SMIM36: variants seen among roughly 807,000 people sequenced by gnomAD.
SMIM36 encodes the protein small integral membrane protein 36.
chr17:55,476,286 A>C (rs1413994977), intron 3 of SMIM36, among the ~76,000 whole-genome samples: 1 of 151,802 alleles, frequency 6.6e-6, no homozygotes, highest in Non-Finnish European at 1.5e-5. Context: ...CTGGACAGTG[A>C]GTCTCAGCAG....
chr17:55,470,790 C>T (rs1426045498), intron 3 of SMIM36, among the ~76,000 whole-genome samples: 2 of 152,056 alleles, frequency 1.3e-5, no homozygotes, highest in Admixed American at 6.6e-5. Context: ...CTTATCATCC[C>T]ATTAAAACCT....
the SMIM36 span, among the ~76,000 whole-genome samples, chr17:55,518,495 T>C: frequency 6.6e-6 from 1 of 152,142 alleles, no homozygotes; most frequent in East Asian, 1.9e-4. Flanking sequence ...AAAATGAGAA[T>C]AGACAGTTGA....
At chr17:55,525,500 A>G in the SMIM36 span, among the ~76,000 whole-genome samples, 1 of 152,220 alleles carries the variant, frequency 6.6e-6, no homozygotes, top group African/African-American at 2.4e-5. Context: ...CTTCCCAATT[A>G]AAATTCTTTT....
intron 1 of SMIM36, among the ~76,000 whole-genome samples, chr17:55,493,798 C>CTA (rs1909757504): frequency 9.6e-6 from 1 of 103,796 alleles, no homozygotes; most frequent in Admixed American, 1.2e-4. Context: ...CAGCAGAGCT[C>CTA]TCTCTCTCTC....
intron 3 of SMIM36, chr17:55,477,200 A>G (rs540415973): frequency 6.6e-6 from 1 of 152,366 alleles, no homozygotes; most frequent in South Asian, 2.1e-4. Flanking sequence ...CAAACGAACA[A>G]ACAAAAAATA....
chr17:55,462,250 G>A (rs532908156), intron 4 of SMIM36, among the ~76,000 whole-genome samples: 30 of 152,266 alleles, frequency 2.0e-4, no homozygotes, highest in African/African-American at 6.5e-4. Flanking sequence ...AGTATATAAA[G>A]TTAATATAAG....
chr17:55,466,291 A>G (rs1909235654), intron 4 of SMIM36, among the ~76,000 whole-genome samples: 1 of 151,222 alleles, frequency 6.6e-6, no homozygotes, highest in Non-Finnish European at 1.5e-5. Context: ...AAAAAAAAAA[A>G]AAAAAAAAAA....
At chr17:55,521,895 A>G in the SMIM36 span, among the ~76,000 whole-genome samples, 1 of 149,382 alleles carries the variant, frequency 6.7e-6, no homozygotes, top group African/African-American at 2.4e-5. Context: ...TTACCTCCCA[A>G]CTTGATTAAT....
chr17:55,484,831 A>G (rs1909578169), intron 1 of SMIM36, among the ~76,000 whole-genome samples: 1 of 152,236 alleles, frequency 6.6e-6, no homozygotes, highest in Admixed American at 6.5e-5. Flanking sequence ...ATTCTAAAAG[A>G]TGACTGACCT....
At chr17:55,527,372 C>T in the SMIM36 span, among the ~76,000 whole-genome samples, 2 of 152,018 alleles carry the variant, frequency 1.3e-5, no homozygotes, top group Non-Finnish European at 2.9e-5. Flanking sequence ...TAAATTTAGC[C>T]AAGATCTAGT....
chr17:55,470,976 A>T (rs1049767923), intron 3 of SMIM36, among the ~76,000 whole-genome samples: 1 of 151,982 alleles, frequency 6.6e-6, no homozygotes, highest in Non-Finnish European at 1.5e-5. Context: ...TTGGTTCAGG[A>T]TCTTCACCTT....
intron 3 of SMIM36, chr17:55,467,972 C>T (rs1278193979): frequency 6.6e-6 from 1 of 152,184 alleles, no homozygotes. Flanking sequence ...GAGCTCCCCA[C>T]TGAGCACCTT....
At chr17:55,451,783 T>G (rs10852975) in intron 4 of SMIM36, among the ~76,000 whole-genome samples, 111,647 of 151,908 alleles carry the variant, frequency 0.73, 41,732 homozygotes, top group Middle Eastern at 0.81. Flanking sequence ...CATATCAAAG[T>G]CTCTGAAAAA....
chr17:55,511,313 C>T (rs529556834), exon 1 of SMIM36: 21 of 398,402 alleles, frequency 5.3e-5, no homozygotes, highest in Non-Finnish European at 7.1e-5. Context: ...GTAACAGGGT[C>T]GATCTCCAAG....
intron 3 of SMIM36, among the ~76,000 whole-genome samples, chr17:55,468,799 A>C (rs1253248013): frequency 6.6e-6 from 1 of 151,872 alleles, no homozygotes; most frequent in Non-Finnish European, 1.5e-5. Context: ...TTCGACTAAC[A>C]CCTGACCTAA....
intron 1 of SMIM36, among the ~76,000 whole-genome samples, chr17:55,483,903 C>T (rs1488378298): frequency 2.0e-5 from 3 of 152,192 alleles, no homozygotes; most frequent in African/African-American, 7.2e-5. Context: ...GCTGGAATTA[C>T]AGGCATGAGC....
At chr17:55,531,892 A>G in the SMIM36 span, among the ~76,000 whole-genome samples, 2 of 152,182 alleles carry the variant, frequency 1.3e-5, no homozygotes, top group African/African-American at 2.4e-5. Context: ...AGGAGATAAC[A>G]CTCACAGGGA....
upstream of SMIM36, among the ~76,000 whole-genome samples, chr17:55,516,010 C>T (rs1033137808): frequency 6.6e-6 from 1 of 152,150 alleles, no homozygotes; most frequent in Non-Finnish European, 1.5e-5. Flanking sequence ...TCAGGTATGG[C>T]TCCATGAAGA....
chr17:55,502,935 CT>C (rs1197351532), intron 1 of SMIM36, among the ~76,000 whole-genome samples: 4 of 149,778 alleles, frequency 2.7e-5, no homozygotes, highest in Non-Finnish European at 3.0e-5. Flanking sequence ...ATGCAGAAGC[CT>C]CAGGAGCCGA....
Sources: gnomAD v4.1 joint callset for allele counts (sites outside exome capture counted in the v4.1 genomes callset) on GRCh38, gnomAD v4.1.1 for gene constraint, MANE v1.5 for transcripts, NCBI Gene and HGNC (gene_info 2026-07-23, HGNC 2026-07-21) for gene names.